The following USP34 variants were observed in gnomAD, a reference collection of about 807,000 sequenced individuals.
USP34 encodes ubiquitin carboxyl-terminal hydrolase 34.
In USP34, 70 loss-of-function variants were observed where a neutral mutation model predicts 460.3. The observed-to-expected ratio is 0.15, with a 90% confidence interval of 0.13 to 0.19. USP34 has a LOEUF of 0.19. Among genes scored for constraint, USP34 ranks in the 10% least tolerant of loss-of-function variants. USP34 has a pLI of 1.00. For synonymous variants in USP34, 1,647 were observed against 1,405.3 expected (o/e 1.17, Z -3.85); for missense variants, 3,985 against 4,236.2 (o/e 0.94, Z 1.65).
intron 1 of USP34, among the ~76,000 whole-genome samples, chr2:61,430,865 A>G (rs539420966): frequency 6.6e-6 from 1 of 152,266 alleles, no homozygotes; most frequent in East Asian, 1.9e-4. Context: ...TTAACTGGGC[A>G]TGGTAGTGCA....
intron 3 of USP34, among the ~76,000 whole-genome samples, chr2:61,401,557 T>G (rs1266352048): frequency 1.5e-5 from 2 of 136,368 alleles, no homozygotes; most frequent in Admixed American, 1.5e-4. Flanking sequence ...TTTTTTTTTT[T>G]TTTTTTTTTG....
At chr2:61,259,020 G>A (rs1022466042) in intron 44 of USP34, among the ~76,000 whole-genome samples, 3 of 152,156 alleles carry the variant, frequency 2.0e-5, no homozygotes, top group Admixed American at 2.0e-4. Context: ...AACACTTTGG[G>A]AGGCTGAGGC....
intron 1 of USP34, among the ~76,000 whole-genome samples, chr2:61,421,700 A>T (rs1384108375): frequency 6.6e-6 from 1 of 152,178 alleles, no homozygotes; most frequent in Admixed American, 6.5e-5. Context: ...GAAATCCCCT[A>T]TGAAGCAGTA....
chr2:61,370,964 A>T (rs907775161), intron 8 of USP34, among the ~76,000 whole-genome samples: 1 of 152,204 alleles, frequency 6.6e-6, no homozygotes, highest in African/African-American at 2.4e-5. Flanking sequence ...TAATATCAGG[A>T]AAATAGGTTG....
At chr2:61,340,762 G>A (rs1467714411) in intron 16 of USP34, among the ~76,000 whole-genome samples, 1 of 151,064 alleles carries the variant, frequency 6.6e-6, no homozygotes, top group Non-Finnish European at 1.5e-5. Flanking sequence ...TAATTGGGTT[G>A]TCTTACTATT....
At chr2:61,408,455 G>A (rs997033474) in intron 2 of USP34, among the ~76,000 whole-genome samples, 1 of 151,800 alleles carries the variant, frequency 6.6e-6, no homozygotes, top group African/African-American at 2.4e-5. Flanking sequence ...AAAATGAAAG[G>A]GTTTTAATTT....
At chr2:61,227,647 G>T (rs924932517) in intron 61 of USP34, among the ~76,000 whole-genome samples, 12 of 151,944 alleles carry the variant, frequency 7.9e-5, no homozygotes, top group Non-Finnish European at 1.5e-4. Context: ...GGAGGTGGGG[G>T]TTACAGTGAG....
At chr2:61,449,509 GAAAAAAAAAACAAAAAC>G (rs1297102009) in intron 1 of USP34, among the ~76,000 whole-genome samples, 42 of 139,842 alleles carry the variant, frequency 3.0e-4, no homozygotes, top group African/African-American at 8.4e-4. Context: ...ACATAATTTT[GAAAAAAAAAACAAAAAC>G]AAAAAAAAAA....
At chr2:61,274,633 A>G (rs887447817) in intron 41 of USP34, among the ~76,000 whole-genome samples, 2 of 152,222 alleles carry the variant, frequency 1.3e-5, no homozygotes, top group African/African-American at 4.8e-5. Context: ...TAATAAAAAT[A>G]ATACAAAATA....
rs529551052 is a variant in USP34 at position 61,241,317 on chromosome 2, C to A, written c.6777+243G>T. Among the ~76,000 whole-genome samples the A allele has an allele frequency of 2.4e-3, 365 of 152,314 alleles. 3 individuals carry two copies. Among genetic ancestry groups the A allele is most frequent in the African/African-American group, 8.2e-3 (342 of 41,562 alleles). On this transcript the variant is annotated intron_variant, in intron 53 of 79. Coordinates refer to ENST00000398571, the MANE Select transcript of USP34 (RefSeq NM_014709.4). ...TCGGCCTCCCAAAGTGCTGAGATTACAGGCATGAATCACCACACCCAGTCG... is the reference window on the plus strand; with the variant it reads ...TCGGCCTCCCAAAGTGCTGAGATTAAAGGCATGAATCACCACACCCAGTCG...
chr2:61,221,492 C>T lies in USP34; in HGVS notation c.7899+10G>A. 1 of 1,607,694 alleles carries T rather than the reference C, an allele frequency of 6.2e-7. No individual in the cohort carries two copies. The highest frequency in any genetic ancestry group is 8.5e-7 in the Non-Finnish European group (1 of 1,177,372). On this transcript the variant is annotated intron_variant, in intron 66 of 79. Coordinates refer to ENST00000398571, the MANE Select transcript of USP34 (RefSeq NM_014709.4). ...AAATAAACATTGAAAACACCTGCTG[C>T]AAGACTTACCTCCCATATCCTCTGC...
intron 37 of USP34, 139 bp from the exon 38 acceptor site, chr2:61,281,381 G>T (rs1325999715): frequency 3.6e-6 from 4 of 1,106,262 alleles, no homozygotes; most frequent in Non-Finnish European, 5.0e-6. Context: ...GGAGGCCCAG[G>T]CAGGAGGATA....
At chr2:61,372,341 T>C (rs1206851497) in intron 8 of USP34, among the ~76,000 whole-genome samples, 1 of 152,102 alleles carries the variant, frequency 6.6e-6, no homozygotes, top group Non-Finnish European at 1.5e-5. Flanking sequence ...TTACGATACA[T>C]AAAATTCAAC....
chr2:61,310,354 G>A (rs1299749830), intron 27 of USP34, among the ~76,000 whole-genome samples: 1 of 152,002 alleles, frequency 6.6e-6, no homozygotes, highest in African/African-American at 2.4e-5. Context: ...TCCATTAATA[G>A]AGAACAAGAA....
chr2:61,220,176 A>AAAAATG, intron 67 of USP34, 134 bp downstream of exon 67: 1 of 485,168 alleles, frequency 2.1e-6, no homozygotes, highest in Non-Finnish European at 3.1e-6. Flanking sequence ...AAAAAAAAAA[A>AAAAATG]AAAAAAGGAA....
chr2:61,377,793 G>A (rs566853387), intron 8 of USP34, among the ~76,000 whole-genome samples: 4 of 152,246 alleles, frequency 2.6e-5, no homozygotes, highest in African/African-American at 9.6e-5. Context: ...AAAACTATCA[G>A]TACCATATTT....
intron 10 of USP34, among the ~76,000 whole-genome samples, chr2:61,359,206 G>A (rs1692201455): frequency 6.6e-6 from 1 of 152,164 alleles, no homozygotes; most frequent in Non-Finnish European, 1.5e-5. Flanking sequence ...AGCAACAGTA[G>A]TAATTAAATA....
At chr2:61,247,272 T>C (rs1309178548) in intron 49 of USP34, among the ~76,000 whole-genome samples, 1 of 152,208 alleles carries the variant, frequency 6.6e-6, no homozygotes, top group Non-Finnish European at 1.5e-5. Context: ...GAGATCTGGC[T>C]GACTTGAGGG....
intron 58 of USP34, among the ~76,000 whole-genome samples, chr2:61,231,118 G>A (rs974377111): frequency 1.3e-5 from 2 of 152,172 alleles, no homozygotes; most frequent in Non-Finnish European, 2.9e-5. Flanking sequence ...TGAAAAGATT[G>A]TTAAATCGAA....
Sources: allele counts gnomAD v4.1 joint callset (sites outside exome capture counted in the v4.1 genomes callset), GRCh38; gene constraint gnomAD v4.1.1; transcripts MANE v1.5; gene names NCBI Gene and HGNC (gene_info 2026-07-23, HGNC 2026-07-21).